Variants in CHD1L observed in about 807,000 individuals in gnomAD.
CHD1L encodes the protein chromodomain helicase DNA binding protein 1 like.
A neutral mutation model predicts 115.9 loss-of-function variants in CHD1L; 118 were observed. The observed-to-expected ratio is 1.02, with a 90% CI of 0.88 to 1.19. CHD1L has a LOEUF of 1.19. Ranked by LOEUF, CHD1L falls within the 50% of genes most tolerant of loss-of-function variation. CHD1L has a pLI of 0.00. For missense variants in CHD1L, 1,179 were observed against 1,065.3 expected (o/e 1.11, Z -1.49); for synonymous variants, 411 against 387.1 (o/e 1.06, Z -0.72).
At chr1:147,271,788 A>G (rs587695753) in intron 11 of CHD1L, among the ~76,000 whole-genome samples, 1 of 152,316 alleles carries the variant, frequency 6.6e-6, no homozygotes, top group South Asian at 2.1e-4. Flanking sequence ...CTGGACTGTT[A>G]GAAGGGGCTC....
chr1:147,248,077 A>G (rs1470307691), intron 1 of CHD1L, among the ~76,000 whole-genome samples: 3 of 152,154 alleles, frequency 2.0e-5, no homozygotes, highest in Non-Finnish European at 4.4e-5. Flanking sequence ...CAGGGCTTGG[A>G]CATCTTTGTG....
At chr1:147,278,645 G>T (rs1191811854) in intron 14 of CHD1L, among the ~76,000 whole-genome samples, 3 of 151,930 alleles carry the variant, frequency 2.0e-5, no homozygotes, top group Non-Finnish European at 4.4e-5. Context: ...TTTTTATCCT[G>T]CAGGGAGGAC....
chr1:147,276,103 G>A lies in CHD1L; in HGVS notation c.1386-1G>A. The A allele has an allele frequency of 6.2e-7, 1 of 1,613,938 alleles. No homozygotes were observed. The highest frequency in any genetic ancestry group is 8.5e-7 in the Non-Finnish European group (1 of 1,179,928). On this transcript the variant is annotated splice_acceptor_variant, in intron 13 of 22. Coordinates refer to ENST00000369258, the MANE Select transcript of CHD1L (RefSeq NM_004284.6). LOFTEE classifies it high-confidence loss of function. ...ACTACCCTTGTTTGACTTATGTCCA[G>A]GTCTGTTAAAGTTATTCGGCTGATT...
Position 147,287,743 on chromosome 1 carries a change from A to G in CHD1L, c.2320+10A>G. On this transcript the variant is annotated intron_variant, in intron 19 of 22. Transcript: ENST00000369258. ...GCTGGGAAAATGAAAGGTAAGAAGC[A>G]AAGCAGAGGGAAAGGTTAAGGGTGG... The G allele has an allele frequency of 1.2e-6, 2 of 1,611,284 alleles. No individual in the cohort carries two copies. Among genetic ancestry groups the G allele is most frequent in the Non-Finnish European group, 1.7e-6 (2 of 1,178,018 alleles).
the CHD1L span, among the ~76,000 whole-genome samples, chr1:147,228,311 T>C: frequency 3.6e-4 from 55 of 152,128 alleles, 3 homozygotes; most frequent in Admixed American, 6.5e-5. Context: ...TTTCCAGCTT[T>C]ATCCATGTCC....
intron 19 of CHD1L, 64 bp downstream of exon 19, chr1:147,287,797 G>GT (rs1683829211): frequency 1.3e-5 from 17 of 1,348,940 alleles, no homozygotes; most frequent in Non-Finnish European, 1.7e-5. Flanking sequence ...ACCTAAGACT[G>GT]TATCGTGAGG....
chr1:147,295,205 G>A (rs1451974443), intron 22 of CHD1L, among the ~76,000 whole-genome samples: 2 of 152,200 alleles, frequency 1.3e-5, no homozygotes, highest in African/African-American at 4.8e-5. Context: ...ACTTAGAGAA[G>A]CCAGCTTTTA....
the CHD1L span, chr1:147,179,011 G>T: frequency 9.9e-6 from 16 of 1,613,782 alleles, no homozygotes; most frequent in African/African-American, 2.1e-4. Flanking sequence ...ACTCAACTTT[G>T]CTGTAGCTAG....
In CHD1L at chr1:147,289,729, A is replaced by T. The variant is rs587695365; in HGVS notation, c.2321-1753A>T. Among the ~76,000 whole-genome samples, 3 of 152,344 alleles carry T rather than the reference A, an allele frequency of 2.0e-5. No individual in the cohort carries two copies. The East Asian group carries it at 5.8e-4, about 29-fold the overall frequency. ...TCCCCAACTGCTCATTACAACACTT[A>T]CTATTCCTTGTCTGTGGGTATTGAA... On this transcript the variant is annotated intron_variant, in intron 19 of 22. Coordinates refer to ENST00000369258, the MANE Select transcript of CHD1L (RefSeq NM_004284.6).
intron 1 of CHD1L, among the ~76,000 whole-genome samples, chr1:147,248,492 G>GC (rs1667348941): frequency 6.6e-6 from 1 of 152,200 alleles, no homozygotes; most frequent in Non-Finnish European, 1.5e-5. Context: ...ACAGGTGTGA[G>GC]CCACTGTGCC....
chr1:147,281,127 C>T (rs782093818), intron 15 of CHD1L, among the ~76,000 whole-genome samples: 7 of 152,192 alleles, frequency 4.6e-5, no homozygotes, highest in Non-Finnish European at 1.0e-4. Context: ...AGTTGTCTCT[C>T]TCCCTGCCAG....
At chr1:147,281,283 T>G (rs1447995967) in intron 15 of CHD1L, among the ~76,000 whole-genome samples, 1 of 152,194 alleles carries the variant, frequency 6.6e-6, no homozygotes, top group Non-Finnish European at 1.5e-5. Flanking sequence ...TGGGTAACTT[T>G]TATCTGTCTG....
intron 1 of CHD1L, among the ~76,000 whole-genome samples, chr1:147,247,853 G>T (rs991246776): frequency 3.3e-5 from 5 of 152,230 alleles, no homozygotes; most frequent in East Asian, 1.9e-4. Flanking sequence ...CAGAAACATT[G>T]CATCTCTTTG....
At chr1:147,193,225 G>A in the CHD1L span, among the ~76,000 whole-genome samples, 1 of 152,192 alleles carries the variant, frequency 6.6e-6, no homozygotes, top group South Asian at 2.1e-4. Context: ...GCTTCTTCCT[G>A]GTTTAGTCTT....
chr1:147,179,084 C>T, the CHD1L span: 4 of 1,613,954 alleles, frequency 2.5e-6, no homozygotes, highest in South Asian at 1.1e-5. Flanking sequence ...GGAGAGATTC[C>T]TGTTGTTGCT....
At chr1:147,253,185 G>A (rs587618283) in intron 2 of CHD1L, among the ~76,000 whole-genome samples, 1 of 152,100 alleles carries the variant, frequency 6.6e-6, no homozygotes, top group Non-Finnish European at 1.5e-5. Flanking sequence ...CCATTTTCTG[G>A]AAGAGTTTAT....
chr1:147,285,067 T>C (rs1682535287), intron 16 of CHD1L, among the ~76,000 whole-genome samples: 1 of 152,142 alleles, frequency 6.6e-6, no homozygotes, highest in Non-Finnish European at 1.5e-5. Flanking sequence ...ATGAAATGAA[T>C]CAAAATGACT....
the CHD1L span, chr1:147,179,261 C>G: frequency 6.2e-7 from 1 of 1,611,580 alleles, no homozygotes; most frequent in Non-Finnish European, 8.5e-7. Context: ...GTAGTGGTAG[C>G]AGAGAATTTT....
chr1:147,233,538 G>A, the CHD1L span, among the ~76,000 whole-genome samples: 69,884 of 148,684 alleles, frequency 0.47, 17,710 homozygotes, highest in East Asian at 0.71. Context: ...CTGCCCGGCC[G>A]CCCCTACTGG....
Sources: allele counts gnomAD v4.1 joint callset (sites outside exome capture counted in the v4.1 genomes callset), GRCh38; gene constraint gnomAD v4.1.1; transcripts MANE v1.5; gene names NCBI Gene and HGNC (gene_info 2026-07-23, HGNC 2026-07-21).